Variants in PTCHD4 observed in about 807,000 individuals in gnomAD.
PTCHD4 encodes the protein patched domain containing 4, also known as patched domain-containing protein 4.
PTCHD4 carries 33 observed loss-of-function variants against 58.1 expected under a neutral mutation model. The ratio of observed to expected loss-of-function variants is 0.57; its 90% CI spans 0.43 to 0.76. PTCHD4 has a LOEUF of 0.76. Among genes scored for constraint, PTCHD4 ranks in the 30% least tolerant of loss-of-function variants. PTCHD4 has a pLI of 0.00. For synonymous variants in PTCHD4, 478 were observed against 409.6 expected, an observed-to-expected ratio of 1.17 and a Z score of -2.02; for missense variants, 1,058 against 1,027.1, an observed-to-expected ratio of 1.03 and a Z score of -0.41.
intron 1 of PTCHD4, among the ~76,000 whole-genome samples, chr6:48,074,200 T>C (rs1053559389): frequency 6.6e-6 from 1 of 151,900 alleles, no homozygotes; most frequent in Non-Finnish European, 1.5e-5. Flanking sequence ...GCAATTTTGG[T>C]CTTTAGCATT....
At position 47,860,644 on chromosome 6, in the gene PTCHD4, C is replaced by G. The variant is rs1179482128; in HGVS notation, c.*17659G>C. 1.3e-5 allele frequency among the ~76,000 whole-genome samples: 2 copies of G among 151,804 alleles called. No individual in the cohort carries two copies. Among genetic ancestry groups the G allele is most frequent in the Non-Finnish European group, 2.9e-5 (2 of 67,920 alleles). ...TCCTTTATGATTTTTTTTCTCTGAACTCATATCTTCAATTTCCTAGAGTAT... is the reference window on the plus strand; with the variant it reads ...TCCTTTATGATTTTTTTTCTCTGAAGTCATATCTTCAATTTCCTAGAGTAT... On this transcript the variant is annotated 3_prime_UTR_variant, in exon 5 of 5. Coordinates refer to ENST00000339488, the MANE Select transcript of PTCHD4 (RefSeq NM_001384253.1).
chr6:48,104,891 A>C (rs1273471001), intron 1 of PTCHD4, among the ~76,000 whole-genome samples: 6 of 152,358 alleles, frequency 3.9e-5, no homozygotes, highest in South Asian at 2.1e-4. Context: ...CAATTCAACA[A>C]GAAGAACTAA....
chr6:47,977,464 G>A (rs931492980), intron 4 of PTCHD4, among the ~76,000 whole-genome samples: 2 of 152,134 alleles, frequency 1.3e-5, no homozygotes, highest in Admixed American at 1.3e-4. Flanking sequence ...GAGGAGTTGA[G>A]ATCCTCACTC....
intron 3 of PTCHD4, among the ~76,000 whole-genome samples, chr6:48,062,777 A>G (rs1205580467): frequency 1.3e-5 from 2 of 152,204 alleles, no homozygotes; most frequent in African/African-American, 4.8e-5. Flanking sequence ...CTCCAGAAGA[A>G]AAACATACTA....
In PTCHD4 at chr6:47,869,445, T is replaced by G. The variant is rs1393712649; in HGVS notation, c.*8858A>C. 6.6e-6 allele frequency among the ~76,000 whole-genome samples: 1 copy of G among 151,722 alleles called. No individual in the cohort carries two copies. Among genetic ancestry groups the G allele is most frequent in the Non-Finnish European group, 1.5e-5 (1 of 67,796 alleles). On this transcript the variant is annotated 3_prime_UTR_variant, in exon 5 of 5. Transcript: ENST00000339488. ...AATGCAATGTAATGCAGTGATAAAT[T>G]TTAGGTAGAATTTATTTGACCCGAT...
intron 1 of PTCHD4, among the ~76,000 whole-genome samples, chr6:48,075,496 T>TTAAAGTA (rs1765047509): frequency 6.6e-6 from 1 of 151,482 alleles, no homozygotes; most frequent in Non-Finnish European, 1.5e-5. Flanking sequence ...AACCACTATA[T>TTAAAGTA]CACCTTGGTC....
At chr6:48,008,530 A>G (rs967399873) in intron 4 of PTCHD4, 104 bp downstream of exon 4, 2 of 1,292,438 alleles carry the variant, frequency 1.5e-6, no homozygotes, top group Non-Finnish European at 2.1e-6. Flanking sequence ...TGACATAGAC[A>G]CCCCAATGCA....
At chr6:48,094,253 A>G (rs560049879) in intron 1 of PTCHD4, among the ~76,000 whole-genome samples, 1 of 152,344 alleles carries the variant, frequency 6.6e-6, no homozygotes, top group Admixed American at 6.5e-5. Flanking sequence ...GATGAATGAC[A>G]GTATTATGGC....
intron 1 of PTCHD4, among the ~76,000 whole-genome samples, chr6:48,099,032 C>G (rs893619567): frequency 1.3e-5 from 2 of 152,100 alleles, no homozygotes; most frequent in Non-Finnish European, 2.9e-5. Context: ...TATTAAATAA[C>G]ATTTCAGCTA....
intron 1 of PTCHD4, among the ~76,000 whole-genome samples, chr6:48,103,763 GAT>G (rs756573884): frequency 1.2e-4 from 18 of 152,342 alleles, no homozygotes; most frequent in Admixed American, 3.3e-4. Flanking sequence ...TAAAGGAACT[GAT>G]GGAGCTGAAA....
chr6:48,092,560 T>C (rs1582131228), intron 1 of PTCHD4, among the ~76,000 whole-genome samples: 1 of 152,292 alleles, frequency 6.6e-6, no homozygotes, highest in Non-Finnish European at 1.5e-5. Context: ...TTGACTACTC[T>C]CAGGCAAAAT....
At chr6:47,939,878 T>C (rs1766143560) in intron 4 of PTCHD4, among the ~76,000 whole-genome samples, 1 of 152,102 alleles carries the variant, frequency 6.6e-6, no homozygotes. Flanking sequence ...AAGCCCCCTA[T>C]GTTGCCCTGA....
intron 1 of PTCHD4, among the ~76,000 whole-genome samples, chr6:48,104,217 C>G (rs1171258281): frequency 1.3e-5 from 2 of 152,150 alleles, no homozygotes; most frequent in East Asian, 3.8e-4. Context: ...TCGGGTTACC[C>G]ACAAAGGGAA....
chr6:47,947,833 C>T lies in PTCHD4; in HGVS notation c.898+60801G>A, dbSNP rs115388382. Reference sequence around the variant, plus strand: ...AGGCATTTATAAATTCTGGAATAGTCTTAGTTTTGTTTTCCAATATTATGT... The same window carrying T: ...AGGCATTTATAAATTCTGGAATAGTTTTAGTTTTGTTTTCCAATATTATGT... On this transcript the variant is annotated intron_variant, in intron 4 of 4. Coordinates refer to ENST00000339488, the MANE Select transcript of PTCHD4 (RefSeq NM_001384253.1). Among the ~76,000 whole-genome samples, 495 of 152,174 alleles carry T rather than the reference C, an allele frequency of 3.3e-3. 4 individuals carry two copies. Among genetic ancestry groups the T allele is most frequent in the African/African-American group, 0.011 (462 of 41,540 alleles).
rs181919289 is a variant in PTCHD4 at position 48,034,157 on chromosome 6, A to G, written c.418-25043T>C. Among the ~76,000 whole-genome samples the G allele has an allele frequency of 7.1e-4, 108 of 152,210 alleles. No individual in the cohort carries two copies. In the Middle Eastern group the frequency reaches 0.014, roughly 19 times the overall value. ...TGTAGAAAATCCTGGGCCCCTGGAT[A>G]TTAGGGAAAAACAGGAAGTTTGGGT... On this transcript the variant is annotated intron_variant, in intron 3 of 4. Coordinates refer to ENST00000339488, the MANE Select transcript of PTCHD4 (RefSeq NM_001384253.1).
At position 47,893,264 on chromosome 6, in the gene PTCHD4, C is replaced by A. The variant is rs558944837; in HGVS notation, c.899-13328G>T. Among the ~76,000 whole-genome samples the A allele has an allele frequency of 2.0e-5, 3 of 152,304 alleles. No homozygotes were observed. In the East Asian group the frequency reaches 5.8e-4, roughly 29 times the overall value. ...GACCTCATGATCTGTCCACCTCAGC[C>A]TCCCAAAGTACTGGGATTACAGGCG... is the stretch of plus-strand genomic sequence containing the variant. On this transcript the variant is annotated intron_variant, in intron 4 of 4. Transcript: ENST00000339488.
Position 47,868,601 on chromosome 6 carries a change from T to A in PTCHD4, c.*9702A>T, listed in dbSNP as rs1414901966. Reference sequence around the variant, plus strand: ...AGTTTGGCATGTCAGTTGCCATTTTTAAAATAAAATCAGTGGAGAATTTCA... The same window carrying A: ...AGTTTGGCATGTCAGTTGCCATTTTAAAAATAAAATCAGTGGAGAATTTCA... On this transcript the variant is annotated 3_prime_UTR_variant, in exon 5 of 5. Coordinates refer to ENST00000339488, the MANE Select transcript of PTCHD4 (RefSeq NM_001384253.1). 2.0e-5 allele frequency among the ~76,000 whole-genome samples: 3 copies of A among 151,830 alleles called. No individual in the cohort carries two copies. The highest frequency in any genetic ancestry group is 1.3e-4 in the Admixed American group (2 of 15,214).
chr6:48,058,545 AT>A (rs1764500296), intron 3 of PTCHD4, among the ~76,000 whole-genome samples: 1 of 152,188 alleles, frequency 6.6e-6, no homozygotes, highest in African/African-American at 2.4e-5. Flanking sequence ...TATTAAGAGA[AT>A]GGATTCTGAG....
chr6:47,869,014 C>T lies in PTCHD4; in HGVS notation c.*9289G>A, dbSNP rs1311127276. Among the ~76,000 whole-genome samples, 2 of 151,494 alleles carry T rather than the reference C, an allele frequency of 1.3e-5. No individual in the cohort carries two copies. Among genetic ancestry groups the T allele is most frequent in the Non-Finnish European group, 3.0e-5 (2 of 67,742 alleles). On this transcript the variant is annotated 3_prime_UTR_variant, in exon 5 of 5. Transcript: ENST00000339488. ...CTTCTTTGGTCTCCTCATCATACGTCAATAATGAGGAGAGCTTTGCAATGA... is the reference window on the plus strand; with the variant it reads ...CTTCTTTGGTCTCCTCATCATACGTTAATAATGAGGAGAGCTTTGCAATGA...
Sources: allele counts gnomAD v4.1 joint callset (sites outside exome capture counted in the v4.1 genomes callset), GRCh38; gene constraint gnomAD v4.1.1; transcripts MANE v1.5; gene names NCBI Gene and HGNC (gene_info 2026-07-23, HGNC 2026-07-21).